Variants in XYLT1 observed in about 807,000 individuals in gnomAD.
XYLT1 encodes the protein xylosyltransferase 1.
XYLT1 carries 36 observed loss-of-function variants against 91.3 expected under a neutral mutation model. The observed-to-expected ratio is 0.39, with a 90% CI of 0.30 to 0.52. The LOEUF is 0.52. Ranked by LOEUF, XYLT1 falls within the 20% of genes least tolerant of loss-of-function variation. The probability of loss-of-function intolerance (pLI) is 0.68; values close to 1 mark genes in which losing one functional copy is unlikely to be tolerated. For missense variants in XYLT1, 1,242 were observed against 1,284.5 expected, an observed-to-expected ratio of 0.97 and a Z score of 0.51; for synonymous variants, 588 against 532.0, an observed-to-expected ratio of 1.11 and a Z score of -1.45.
At chr16:17,111,214 T>A (rs1434171667) in intron 11 of XYLT1, among the ~76,000 whole-genome samples, 1 of 152,104 alleles carries the variant, frequency 6.6e-6, no homozygotes, top group Non-Finnish European at 1.5e-5. Context: ...AACAGTAACA[T>A]GTACGTAAGA....
chr16:17,443,493 A>G (rs2036556613), intron 1 of XYLT1, among the ~76,000 whole-genome samples: 1 of 152,180 alleles, frequency 6.6e-6, no homozygotes, highest in South Asian at 2.1e-4. Flanking sequence ...TCCAGCCACC[A>G]TGTAAGATGT....
rs536563991 is a variant in XYLT1 at position 17,232,577 on chromosome 16, G to A, written c.913+26411C>T. On this transcript the variant is annotated intron_variant, in intron 3 of 11. Coordinates refer to ENST00000261381, the MANE Select transcript of XYLT1 (RefSeq NM_022166.4). ...ATTGATTGATGATGATGAAGATGGC[G>A]GTGGTGTTGGCAGTGATGGTGGTGG... Among the ~76,000 whole-genome samples, 3 of 151,710 alleles carry A rather than the reference G, an allele frequency of 2.0e-5. No homozygotes were observed. In the East Asian group the frequency reaches 5.8e-4, roughly 29 times the overall value.
chr16:17,159,466 G>C (rs1218558115), intron 5 of XYLT1, among the ~76,000 whole-genome samples: 1 of 152,134 alleles, frequency 6.6e-6, no homozygotes, highest in Non-Finnish European at 1.5e-5. Flanking sequence ...TGAAAGCACT[G>C]ACCTTGCTTA....
chr16:17,140,260 A>G (rs1326536196), intron 7 of XYLT1, among the ~76,000 whole-genome samples: 2 of 152,114 alleles, frequency 1.3e-5, no homozygotes, highest in African/African-American at 2.4e-5. Context: ...TGAAACCAAC[A>G]CCCTTTTCTT....
At chr16:17,223,248 T>G (rs775788878) in intron 3 of XYLT1, among the ~76,000 whole-genome samples, 3 of 152,126 alleles carry the variant, frequency 2.0e-5, no homozygotes, top group Non-Finnish European at 2.9e-5. Flanking sequence ...GTTCCCAGCA[T>G]TGGGGAAGCT....
At chr16:17,138,289 G>GATTTCTGCAGAGGTT (rs2030834759) in intron 8 of XYLT1, 66 bp downstream of exon 8, 1 of 1,573,182 alleles carries the variant, frequency 6.4e-7, no homozygotes, top group East Asian at 2.3e-5. Context: ...TCTGGCCTTG[G>GATTTCTGCAGAGGTT]ATTTCTGCAG....
chr16:17,135,954 TTTGCTGACCCC>T (rs1567289389), intron 8 of XYLT1, among the ~76,000 whole-genome samples: 1 of 152,158 alleles, frequency 6.6e-6, no homozygotes, highest in African/African-American at 2.4e-5. Context: ...AGGGCTAGAG[TTTGCTGACCCC>T]TTGTGTAGGG....
intron 2 of XYLT1, among the ~76,000 whole-genome samples, chr16:17,277,181 TTA>T (rs1260402021): frequency 1.3e-5 from 2 of 152,192 alleles, no homozygotes; most frequent in Non-Finnish European, 2.9e-5. Context: ...TGGGCATCTG[TTA>T]TCTATTTTTA....
chr16:17,326,330 C>T (rs2034801260), intron 2 of XYLT1, among the ~76,000 whole-genome samples: 1 of 152,152 alleles, frequency 6.6e-6, no homozygotes, highest in Non-Finnish European at 1.5e-5. Flanking sequence ...TCCCCCATCC[C>T]GTGGTAACCA....
chr16:17,256,515 A>G (rs575129773), intron 3 of XYLT1, among the ~76,000 whole-genome samples: 1 of 152,032 alleles, frequency 6.6e-6, no homozygotes, highest in South Asian at 2.1e-4. Flanking sequence ...GCTGGGTGTG[A>G]TGGCGGGCGC....
At chr16:17,338,568 T>C (rs371949044) in intron 2 of XYLT1, 1 of 452,786 alleles carries the variant, frequency 2.2e-6, no homozygotes, top group Non-Finnish European at 4.4e-6. Flanking sequence ...CTCTGTTCTC[T>C]GTCGGGAATG....
intron 2 of XYLT1, among the ~76,000 whole-genome samples, chr16:17,301,962 A>T (rs1366823337): frequency 6.6e-6 from 1 of 152,152 alleles, no homozygotes; most frequent in Non-Finnish European, 1.5e-5. Context: ...CTGTAATCTC[A>T]GCACTTTGGG....
At chr16:17,273,078 C>T (rs1043316983) in intron 2 of XYLT1, among the ~76,000 whole-genome samples, 2 of 152,328 alleles carry the variant, frequency 1.3e-5, no homozygotes, top group African/African-American at 2.4e-5. Context: ...ATCTTCTGAA[C>T]GTCCCCAGAT....
intron 2 of XYLT1, among the ~76,000 whole-genome samples, chr16:17,269,904 C>T (rs375567384): frequency 1.3e-4 from 19 of 151,646 alleles, no homozygotes; most frequent in East Asian, 5.8e-4. Flanking sequence ...CTCCGCCTCC[C>T]GGGTTCAAGC....
intron 2 of XYLT1, among the ~76,000 whole-genome samples, chr16:17,315,628 T>C (rs767526618): frequency 2.0e-5 from 3 of 152,144 alleles, no homozygotes; most frequent in South Asian, 2.1e-4. Flanking sequence ...TCCAGCCCCA[T>C]AGCATAAGAC....
intron 5 of XYLT1, among the ~76,000 whole-genome samples, chr16:17,187,971 C>T (rs2141576060): frequency 6.6e-6 from 1 of 152,224 alleles, no homozygotes; most frequent in South Asian, 2.1e-4. Context: ...TCTGCTCCAG[C>T]TCCTGTTGAA....
At chr16:17,199,172 T>C (rs1055887907) in intron 4 of XYLT1, among the ~76,000 whole-genome samples, 2 of 152,334 alleles carry the variant, frequency 1.3e-5, no homozygotes, top group African/African-American at 4.8e-5. Context: ...TCCTACTGAT[T>C]GCTCCTCCAT....
chr16:17,264,385 CATGTTGCTGT>C (rs2033770446), intron 2 of XYLT1, among the ~76,000 whole-genome samples: 1 of 152,212 alleles, frequency 6.6e-6, no homozygotes, highest in South Asian at 2.1e-4. Context: ...AGAGTTCATC[CATGTTGCTGT>C]ATGTTGCAGG....
At chr16:17,437,774 A>T (rs1048088723) in intron 1 of XYLT1, among the ~76,000 whole-genome samples, 1 of 152,212 alleles carries the variant, frequency 6.6e-6, no homozygotes, top group Non-Finnish European at 1.5e-5. Flanking sequence ...TAGGAACACA[A>T]ATCTGGCAAG....
Sources: allele counts gnomAD v4.1 joint callset (sites outside exome capture counted in the v4.1 genomes callset), GRCh38; gene constraint gnomAD v4.1.1; transcripts MANE v1.5; gene names NCBI Gene and HGNC (gene_info 2026-07-23, HGNC 2026-07-21).